Variants in PALLD observed in about 807,000 individuals in gnomAD.
The protein encoded by PALLD is palladin, cytoskeletal associated protein.
Under a neutral mutation model 123.5 loss-of-function variants are expected in PALLD, and 61 were observed. That is an observed-to-expected ratio of 0.49 (90% confidence interval 0.40 to 0.61). The LOEUF is 0.61. PALLD is among the 20% of genes least tolerant of loss of function. The pLI is 0.00. For synonymous variants in PALLD, 465 were observed against 496.4 expected (o/e 0.94, Z 0.84); for missense variants, 1,273 against 1,377.0 (o/e 0.92, Z 1.20).
At chr4:168,851,725 G>C (rs948681598) in intron 10 of PALLD, among the ~76,000 whole-genome samples, 3 of 152,132 alleles carry the variant, frequency 2.0e-5, no homozygotes, top group Non-Finnish European at 2.9e-5. Flanking sequence ...ATTTATTAAA[G>C]AACCGTTAAT....
intron 2 of PALLD, among the ~76,000 whole-genome samples, chr4:168,526,181 C>A (rs1057050493): frequency 6.6e-6 from 1 of 152,208 alleles, no homozygotes; most frequent in Non-Finnish European, 1.5e-5. Context: ...GAGGCCAGCT[C>A]TTAGCTACCT....
chr4:168,557,812 TC>T (rs1281651661), intron 2 of PALLD, among the ~76,000 whole-genome samples: 1 of 152,158 alleles, frequency 6.6e-6, no homozygotes. Context: ...AGGACCTACT[TC>T]AGGCTTGAGT....
intron 10 of PALLD, among the ~76,000 whole-genome samples, chr4:168,820,066 C>T (rs1039754060): frequency 7.2e-5 from 11 of 152,206 alleles, no homozygotes; most frequent in Admixed American, 3.9e-4. Flanking sequence ...AGTCTTACTT[C>T]GAAAGACTTA....
intron 11 of PALLD, chr4:168,894,144 C>T (rs1754620823): frequency 5.0e-6 from 1 of 198,106 alleles, no homozygotes; most frequent in Non-Finnish European, 1.0e-5. Context: ...TCAGTTTATT[C>T]TCCTTTTGAG....
rs183344523 is a variant in PALLD at position 168,705,047 on chromosome 4, A to T, written c.1502-3981A>T. Among the ~76,000 whole-genome samples the T allele has an allele frequency of 1.3e-3, 191 of 149,764 alleles. 1 individual carries two copies. Among genetic ancestry groups the T allele is most frequent in the African/African-American group, 4.5e-3 (186 of 41,428 alleles). On this transcript the variant is annotated intron_variant, in intron 8 of 21. Transcript: ENST00000505667. The stretch of plus-strand genomic sequence containing the variant: ...CTACTTACATCTTATATTTCAAAAA[A>T]TTTTTGCCAAAGAAAGTTTCTGGCA...
chr4:168,582,004 G>A (rs1054288680), intron 2 of PALLD, among the ~76,000 whole-genome samples: 3 of 151,904 alleles, frequency 2.0e-5, no homozygotes, highest in Admixed American at 1.3e-4. Flanking sequence ...GCCATTTATT[G>A]AAGAAACTGT....
At chr4:168,633,805 T>C (rs1378457439) in intron 2 of PALLD, among the ~76,000 whole-genome samples, 1 of 152,220 alleles carries the variant, frequency 6.6e-6, no homozygotes, top group Non-Finnish European at 1.5e-5. Context: ...GCATTTTTAT[T>C]TGGACAATTT....
At chr4:168,690,217 T>C (rs1441103177) in intron 6 of PALLD, among the ~76,000 whole-genome samples, 2 of 152,216 alleles carry the variant, frequency 1.3e-5, no homozygotes, top group Non-Finnish European at 2.9e-5. Flanking sequence ...GAATCTACTT[T>C]TATTTAGAGT....
rs976067913 is a variant in PALLD, at chr4:168,651,160, C to T, written c.909-17030C>T. On this transcript the variant is annotated intron_variant, in intron 2 of 21. Transcript: ENST00000505667. ...ATCTGTAAATTCTGGTTATATGAAT[C>T]GCTAAAGAATTATTGCGCAGGGATC... 1.6e-4 allele frequency among the ~76,000 whole-genome samples: 24 copies of T among 152,260 alleles called. No individual in the cohort carries two copies. In the South Asian group the frequency reaches 2.1e-3, roughly 13 times the overall value.
At chr4:168,674,710 T>C (rs770258307) in intron 3 of PALLD, among the ~76,000 whole-genome samples, 1 of 152,148 alleles carries the variant, frequency 6.6e-6, no homozygotes, top group Non-Finnish European at 1.5e-5. Flanking sequence ...AAAGATCAAA[T>C]GGTACTGGTT....
intron 10 of PALLD, among the ~76,000 whole-genome samples, chr4:168,814,695 C>T (rs2150759051): frequency 6.6e-6 from 1 of 152,208 alleles, no homozygotes; most frequent in South Asian, 2.1e-4. Context: ...GAACAGTGAC[C>T]CTCTTTCCCG....
chr4:168,810,310 A>G (rs1406901946), intron 10 of PALLD, among the ~76,000 whole-genome samples: 1 of 152,200 alleles, frequency 6.6e-6, no homozygotes, highest in African/African-American at 2.4e-5. Flanking sequence ...TGTTCTTAGC[A>G]TAAGAGAAAT....
At chr4:168,759,807 C>T (rs941807553) in intron 10 of PALLD, among the ~76,000 whole-genome samples, 6 of 152,120 alleles carry the variant, frequency 3.9e-5, no homozygotes, top group Admixed American at 3.3e-4. Flanking sequence ...GTAATCCCAG[C>T]ACTTTGGGAG....
At chr4:168,876,795 G>T (rs903143847) in intron 10 of PALLD, among the ~76,000 whole-genome samples, 1 of 152,136 alleles carries the variant, frequency 6.6e-6, no homozygotes, top group Non-Finnish European at 1.5e-5. Flanking sequence ...TTATCTGCTT[G>T]TTACAGTGCC....
intron 10 of PALLD, among the ~76,000 whole-genome samples, chr4:168,868,225 T>A (rs1050302578): frequency 6.6e-6 from 1 of 152,208 alleles, no homozygotes; most frequent in African/African-American, 2.4e-5. Context: ...CATATACCAG[T>A]TGACTAGTCC....
chr4:168,817,260 G>T (rs961394523), intron 10 of PALLD, among the ~76,000 whole-genome samples: 5 of 152,104 alleles, frequency 3.3e-5, no homozygotes, highest in African/African-American at 4.8e-5. Context: ...ACAGAAAAAC[G>T]CAAGTTGTGC....
chr4:168,784,886 T>G (rs139078015), intron 10 of PALLD, among the ~76,000 whole-genome samples: 308 of 152,214 alleles, frequency 2.0e-3, no homozygotes, highest in African/African-American at 6.3e-3. Context: ...CTCTGGTCAG[T>G]CTGGTCATGG....
intron 17 of PALLD, among the ~76,000 whole-genome samples, chr4:168,920,192 G>A (rs575613948): frequency 6.6e-6 from 1 of 152,332 alleles, no homozygotes; most frequent in Non-Finnish European, 1.5e-5. Context: ...ATGGAGAGCT[G>A]GGGACAGCAA....
intron 2 of PALLD, among the ~76,000 whole-genome samples, chr4:168,659,933 A>G (rs1347393073): frequency 6.6e-6 from 1 of 152,214 alleles, no homozygotes; most frequent in African/African-American, 2.4e-5. Flanking sequence ...GCAATGCCAT[A>G]TGTGATTTTT....
Sources: gnomAD v4.1 joint callset for allele counts (sites outside exome capture counted in the v4.1 genomes callset) on GRCh38, gnomAD v4.1.1 for gene constraint, MANE v1.5 for transcripts, NCBI Gene and HGNC (gene_info 2026-07-23, HGNC 2026-07-21) for gene names.